ATF7IP: variants seen among roughly 807,000 people sequenced by gnomAD.
The protein encoded by ATF7IP is activating transcription factor 7 interacting protein.
In ATF7IP, 23 loss-of-function variants were observed where a neutral mutation model predicts 106.4. The observed-to-expected ratio is 0.22, with a 90% CI of 0.16 to 0.31. The LOEUF (loss-of-function observed/expected upper bound fraction) is 0.31, where lower values mean the gene tolerates loss of function less well. ATF7IP is among the 10% of genes least tolerant of loss of function. The probability of loss-of-function intolerance (pLI) is 1.00; values close to 1 mark genes in which losing one functional copy is unlikely to be tolerated. For missense variants in ATF7IP, 1,334 were observed against 1,524.3 expected (o/e 0.88, Z 2.08); for synonymous variants, 542 against 539.0 (o/e 1.01, Z -0.08).
chr12:14,426,653 C>T (rs12820443), intron 2 of ATF7IP, among the ~76,000 whole-genome samples: 1 of 149,710 alleles, frequency 6.7e-6, no homozygotes, highest in Admixed American at 6.7e-5. Flanking sequence ...ATGGTGAGAC[C>T]CCGTCTCTAC....
intron 2 of ATF7IP, among the ~76,000 whole-genome samples, chr12:14,429,888 G>T (rs1942037340): frequency 6.6e-6 from 1 of 152,210 alleles, no homozygotes; most frequent in South Asian, 2.1e-4. Flanking sequence ...TTGGAAGGAG[G>T]TGTATAGGAG....
At chr12:14,469,237 G>A (rs752371923) in intron 10 of ATF7IP, among the ~76,000 whole-genome samples, 16 of 151,828 alleles carry the variant, frequency 1.1e-4, no homozygotes, top group Non-Finnish European at 2.1e-4. Context: ...GTGCACGCTT[G>A]TAATCCCAGC....
At chr12:14,449,156 G>C (rs1159074852) in intron 6 of ATF7IP, among the ~76,000 whole-genome samples, 1 of 151,926 alleles carries the variant, frequency 6.6e-6, no homozygotes, top group Non-Finnish European at 1.5e-5. Flanking sequence ...ATGCAGTTCT[G>C]TTTGTCTATT....
chr12:14,431,273 G>GA lies in ATF7IP; in HGVS notation c.1559-3061dup, dbSNP rs373967051. 9.5e-4 allele frequency among the ~76,000 whole-genome samples: 145 copies of GA among 152,088 alleles called. 1 individual carries two copies. The highest frequency in any genetic ancestry group is 3.3e-3 in the African/African-American group (135 of 41,510). Reference sequence around the variant, plus strand: ...GCTTACTGTCTAGTCTGCTTGAAAGGAAAGAATATGGAACTATGAAAACTT... The same window carrying GA: ...GCTTACTGTCTAGTCTGCTTGAAAGGAAAAGAATATGGAACTATGAAAACTT... On this transcript the variant is annotated intron_variant, in intron 2 of 14. Transcript: ENST00000261168.
At chr12:14,408,490 A>C (rs550950204) in intron 1 of ATF7IP, 157 of 152,266 alleles carry the variant, frequency 1.0e-3, no homozygotes, top group African/African-American at 3.6e-3. Flanking sequence ...ATTGTATTTC[A>C]GTTTCTGTTG....
At chr12:14,479,627 A>AT (rs1944371912) in intron 12 of ATF7IP, among the ~76,000 whole-genome samples, 2 of 152,124 alleles carry the variant, frequency 1.3e-5, no homozygotes, top group Non-Finnish European at 2.9e-5. Flanking sequence ...TTATGAAATT[A>AT]TTGTTGATGC....
chr12:14,453,779 C>CAG (rs1943303000), intron 6 of ATF7IP, among the ~76,000 whole-genome samples: 1 of 152,078 alleles, frequency 6.6e-6, no homozygotes, highest in Non-Finnish European at 1.5e-5. Flanking sequence ...TGCCCACCAT[C>CAG]ACGCTCGGCT....
chr12:14,487,660 A>G (rs1944668306), intron 13 of ATF7IP, among the ~76,000 whole-genome samples: 2 of 152,186 alleles, frequency 1.3e-5, no homozygotes, highest in South Asian at 4.1e-4. Flanking sequence ...AGGTTAGCCA[A>G]TTGTATGATA....
At position 14,434,502 on chromosome 12, in the gene ATF7IP, C is replaced by CT. The variant is rs200546272; in HGVS notation, c.1645+85dup. On this transcript the variant is annotated intron_variant, in intron 3 of 14. Coordinates refer to ENST00000261168, the MANE Select transcript of ATF7IP (RefSeq NM_018179.5). ...TCTATATTTACAACCGTGTAATATT[C>CT]TTTTTTGCCCATGAAATAATTGTAA... The CT allele has an allele frequency of 2.6e-3, 2,478 of 944,836 alleles. 28 individuals are homozygous for CT. The African/African-American group carries it at 0.03, about 11-fold the overall frequency. The allele number at this position is 944,836 out of a possible 1,614,324, so 58.5% of individuals were successfully genotyped here.
chr12:14,480,725 T>TA (rs1482934125), intron 12 of ATF7IP, among the ~76,000 whole-genome samples: 2 of 152,296 alleles, frequency 1.3e-5, no homozygotes, highest in East Asian at 3.9e-4. Flanking sequence ...TGCACCTTTT[T>TA]AAAAAATCTT....
intron 14 of ATF7IP, among the ~76,000 whole-genome samples, chr12:14,496,992 T>C (rs1398764215): frequency 6.6e-6 from 1 of 152,228 alleles, no homozygotes; most frequent in South Asian, 2.1e-4. Flanking sequence ...ATGTACCCTA[T>C]GTCCAAGAAA....
At chr12:14,446,210 C>T (rs113075686) in intron 5 of ATF7IP, among the ~76,000 whole-genome samples, 6,721 of 151,738 alleles carry the variant, frequency 0.044, 191 homozygotes, top group Non-Finnish European at 0.063. Flanking sequence ...TGCAGTGGCG[C>T]GATCTTGGCT....
intron 8 of ATF7IP, among the ~76,000 whole-genome samples, chr12:14,457,633 T>C (rs572266156): frequency 6.6e-6 from 1 of 152,258 alleles, no homozygotes; most frequent in South Asian, 2.1e-4. Flanking sequence ...TCTATTGTAG[T>C]AGTTCACAAA....
Position 14,436,339 on chromosome 12 carries a change from T to C in ATF7IP, c.1791+88T>C, listed in dbSNP as rs1002678204. 21 of 1,316,080 alleles carry C rather than the reference T, an allele frequency of 1.6e-5. No homozygotes were observed. The South Asian group carries it at 2.5e-4, about 16-fold the overall frequency. The allele number at this position is 1,316,080 out of a possible 1,614,324, so 81.5% of individuals were successfully genotyped here. ...GTTTCTGACATTATTCTGTATTTTA[T>C]TGACATAATGTGGTTTATCATAGAA... is the stretch of plus-strand genomic sequence containing the variant. On this transcript the variant is annotated intron_variant, in intron 4 of 14. Coordinates refer to ENST00000261168, the MANE Select transcript of ATF7IP (RefSeq NM_018179.5).
At chr12:14,462,752 AAAGT>A (rs1313795259) in intron 9 of ATF7IP, among the ~76,000 whole-genome samples, 1 of 151,934 alleles carries the variant, frequency 6.6e-6, no homozygotes, top group African/African-American at 2.4e-5. Context: ...TTTTTATATA[AAAGT>A]AAGTTTTCAC....
chr12:14,468,243 G>C (rs1426046969), intron 10 of ATF7IP, among the ~76,000 whole-genome samples: 1 of 149,836 alleles, frequency 6.7e-6, no homozygotes, highest in Non-Finnish European at 1.5e-5. Context: ...ACTCCAGCCT[G>C]GGTGAAAGAG....
chr12:14,389,214 C>G (rs997614600), intron 1 of ATF7IP, among the ~76,000 whole-genome samples: 7 of 152,140 alleles, frequency 4.6e-5, no homozygotes, highest in African/African-American at 1.7e-4. Context: ...TGCTCAGAAG[C>G]AAGAAGTGCT....
rs1943612766 is a variant in ATF7IP, at chr12:14,460,921, G to C, written c.2585G>C (p.Ser862Thr). Reference sequence around the variant, plus strand: ...AGTATTCAAAGGAACCCTACTGCCAGTGCTGCACCATTGGGAACAACACTT... The same window carrying C: ...AGTATTCAAAGGAACCCTACTGCCACTGCTGCACCATTGGGAACAACACTT... ...SPSIQRNPTA[S>T]AAPLGTTLAV... Residue 862 changes from serine to threonine, a missense_variant, in exon 9 of 15, where the codon AGT (serine) becomes ACT (threonine). Coordinates refer to ENST00000261168, the MANE Select transcript of ATF7IP (RefSeq NM_018179.5). The C allele has an allele frequency of 5.0e-6, 8 of 1,614,152 alleles. No homozygotes were observed. In the East Asian group the frequency reaches 1.8e-4, roughly 36 times the overall value.
chr12:14,481,283 T>G, intron 13 of ATF7IP, 98 bp downstream of exon 13: 2 of 1,099,568 alleles, frequency 1.8e-6, no homozygotes, highest in Non-Finnish European at 2.6e-6. Context: ...TGCAAAAATT[T>G]CTTATAATGT....
Sources: allele counts gnomAD v4.1 joint callset (sites outside exome capture counted in the v4.1 genomes callset), GRCh38; gene constraint gnomAD v4.1.1; transcripts MANE v1.5; gene names NCBI Gene and HGNC (gene_info 2026-07-23, HGNC 2026-07-21).